The following DAP variants were observed in gnomAD, a reference collection of about 807,000 sequenced individuals.
DAP encodes death-associated protein 1.
A neutral mutation model predicts 13.8 loss-of-function variants in DAP; 8 were observed. That is an observed-to-expected ratio of 0.58 (90% confidence interval 0.34 to 1.05). The LOEUF is 1.05. Ranked by LOEUF, DAP falls within the 50% of genes least tolerant of loss-of-function variation. DAP has a pLI of 0.03. For missense variants in DAP, 106 were observed against 133.2 expected (o/e 0.80, Z 1.01); for synonymous variants, 47 against 47.5 (o/e 0.99, Z 0.04).
rs199949866 is a variant in DAP, at chr5:10,680,698, C to G, written c.*358G>C. 3.5e-4 allele frequency: 531 copies of G among 1,524,916 alleles called. 1 individual carries two copies. The highest frequency in any genetic ancestry group is 4.6e-4 in the Non-Finnish European group (521 of 1,138,264). 94.5% of individuals were successfully genotyped at this position (1,524,916 alleles called of 1,614,324 possible). A position where few individuals can be genotyped will look rare whatever the true frequency, so the allele number is the denominator to read the frequency against. On this transcript the variant is annotated 3_prime_UTR_variant, in exon 4 of 4. Transcript: ENST00000230895. Reference sequence around the variant, plus strand: ...ACTGAGGTTTTCTCCTAACCTTAATCTCATCTTCTCAAATGTGTGCCTTCT... The same window carrying G: ...ACTGAGGTTTTCTCCTAACCTTAATGTCATCTTCTCAAATGTGTGCCTTCT...
chr5:10,698,712 G>T (rs1454452282), intron 2 of DAP, among the ~76,000 whole-genome samples: 1 of 151,702 alleles, frequency 6.6e-6, no homozygotes, highest in Admixed American at 6.6e-5. Context: ...ACATATATAT[G>T]TAGAGTGTCA....
chr5:10,760,374 G>T (rs557241491), intron 1 of DAP, among the ~76,000 whole-genome samples: 1 of 152,260 alleles, frequency 6.6e-6, no homozygotes, highest in Non-Finnish European at 1.5e-5. Flanking sequence ...AAGCATGAAG[G>T]CTGCTTAGAT....
At chr5:10,710,174 C>A (rs5745244) in intron 2 of DAP, among the ~76,000 whole-genome samples, 1 of 152,204 alleles carries the variant, frequency 6.6e-6, no homozygotes, top group Non-Finnish European at 1.5e-5. Context: ...AATCCAGCCC[C>A]GAAGCCTCAG....
chr5:10,714,543 A>G (rs1290234645), intron 2 of DAP, among the ~76,000 whole-genome samples: 1 of 152,238 alleles, frequency 6.6e-6, no homozygotes, highest in African/African-American at 2.4e-5. Context: ...ACAAATAAAA[A>G]CAAAGTCAGG....
At chr5:10,694,045 G>A (rs554107860) in intron 2 of DAP, among the ~76,000 whole-genome samples, 6 of 152,204 alleles carry the variant, frequency 3.9e-5, no homozygotes, top group African/African-American at 1.4e-4. Context: ...GGGAGGAAGC[G>A]CAAGGGCTGT....
At chr5:10,698,839 T>C (rs1257811257) in intron 2 of DAP, among the ~76,000 whole-genome samples, 1 of 152,170 alleles carries the variant, frequency 6.6e-6, no homozygotes, top group African/African-American at 2.4e-5. Flanking sequence ...CAGCCTCCAA[T>C]ATAAAATGAA....
chr5:10,742,280 A>G lies in DAP; in HGVS notation c.152+5895T>C, dbSNP rs568863512. ...CCGGGTGCGGTGGCTCATGCCTGTA[A>G]TCCCAGCACTTTGGCAGGCTAAGAC... On this transcript the variant is annotated intron_variant, in intron 2 of 3. Coordinates refer to ENST00000230895, the MANE Select transcript of DAP (RefSeq NM_004394.3). Among the ~76,000 whole-genome samples, 47 of 152,302 alleles carry G rather than the reference A, an allele frequency of 3.1e-4. 2 individuals carry two copies. In the South Asian group the frequency reaches 9.5e-3, roughly 31 times the overall value.
intron 2 of DAP, among the ~76,000 whole-genome samples, chr5:10,738,721 G>T (rs967877736): frequency 6.6e-6 from 1 of 152,196 alleles, no homozygotes; most frequent in Non-Finnish European, 1.5e-5. Flanking sequence ...GGGAAAATGG[G>T]CCAAGTCTGA....
At chr5:10,689,636 C>T (rs1308223495) in intron 2 of DAP, among the ~76,000 whole-genome samples, 6 of 152,140 alleles carry the variant, frequency 3.9e-5, no homozygotes, top group Admixed American at 6.5e-5. Flanking sequence ...CACTGGGTGG[C>T]GAGGGGTGAG....
intron 2 of DAP, among the ~76,000 whole-genome samples, chr5:10,699,665 C>A (rs1229156001): frequency 6.6e-6 from 1 of 152,226 alleles, no homozygotes; most frequent in Non-Finnish European, 1.5e-5. Flanking sequence ...TCCCCCAGAG[C>A]TATTCCTGAG....
chr5:10,749,959 T>G (rs937112289), intron 1 of DAP, among the ~76,000 whole-genome samples: 30 of 152,216 alleles, frequency 2.0e-4, no homozygotes, highest in African/African-American at 7.0e-4. Context: ...GATTCCCTGC[T>G]TCATCTGCAG....
At chr5:10,710,144 C>T (rs920449187) in intron 2 of DAP, among the ~76,000 whole-genome samples, 3 of 152,234 alleles carry the variant, frequency 2.0e-5, no homozygotes, top group African/African-American at 4.8e-5. Context: ...CGACCCCTCC[C>T]CTTCCCTCGG....
intron 1 of DAP, among the ~76,000 whole-genome samples, chr5:10,752,647 TGTGTGTGTGCATGTGCCTGTGCATAA>T (rs1349822429): frequency 2.0e-5 from 3 of 152,170 alleles, no homozygotes; most frequent in African/African-American, 7.2e-5. Flanking sequence ...CCTGTGTGTG[TGTGTGTGTGCATGTGCCTGTGCATAA>T]GTGTGTGCAC....
At chr5:10,757,674 C>A (rs1740222847) in intron 1 of DAP, among the ~76,000 whole-genome samples, 2 of 152,206 alleles carry the variant, frequency 1.3e-5, no homozygotes, top group South Asian at 2.1e-4. Flanking sequence ...AGTGTGTCAG[C>A]ACATTGTGAC....
At chr5:10,748,952 A>G (rs377339076) in intron 1 of DAP, among the ~76,000 whole-genome samples, 101 of 152,334 alleles carry the variant, frequency 6.6e-4, no homozygotes, top group African/African-American at 2.4e-3. Flanking sequence ...TCATCACCCC[A>G]AACAGAAACC....
chr5:10,712,384 T>G (rs1021574068), intron 2 of DAP, among the ~76,000 whole-genome samples: 3 of 152,056 alleles, frequency 2.0e-5, no homozygotes, highest in Non-Finnish European at 4.4e-5. Flanking sequence ...TGGGGGAAGC[T>G]CCTGTGGGCT....
intron 1 of DAP, among the ~76,000 whole-genome samples, chr5:10,748,881 C>A (rs191119073): frequency 6.6e-6 from 1 of 152,138 alleles, no homozygotes; most frequent in Non-Finnish European, 1.5e-5. Flanking sequence ...CTGTATAATT[C>A]GATGGTTTTG....
At chr5:10,722,637 C>CATAT (rs138837264) in intron 2 of DAP, among the ~76,000 whole-genome samples, 8 of 148,330 alleles carry the variant, frequency 5.4e-5, no homozygotes, top group African/African-American at 7.5e-5. Context: ...CATATATATA[C>CATAT]ATATATATAT....
At chr5:10,719,681 T>C (rs1739087341) in intron 2 of DAP, among the ~76,000 whole-genome samples, 1 of 152,178 alleles carries the variant, frequency 6.6e-6, no homozygotes, top group Admixed American at 6.5e-5. Context: ...ATGGAAGTGA[T>C]ATAAATGTGA....
Sources: allele counts gnomAD v4.1 joint callset (sites outside exome capture counted in the v4.1 genomes callset), GRCh38; gene constraint gnomAD v4.1.1; transcripts MANE v1.5; gene names NCBI Gene and HGNC (gene_info 2026-07-23, HGNC 2026-07-21).